The following ELAVL2 variants were observed in gnomAD, a reference collection of about 807,000 sequenced individuals.
ELAVL2 encodes ELAV like RNA binding protein 2.
ELAVL2 carries 4 observed loss-of-function variants against 34.6 expected under a neutral mutation model. The observed-to-expected ratio is 0.12, with a 90% CI of 0.06 to 0.26. ELAVL2 has a LOEUF of 0.26. ELAVL2 is among the 10% of genes least tolerant of loss of function. ELAVL2 has a pLI of 1.00. For missense variants in ELAVL2, 432 were observed against 442.8 expected, an observed-to-expected ratio of 0.98 and a Z score of 0.22; for synonymous variants, 193 against 154.8, an observed-to-expected ratio of 1.25 and a Z score of -1.83.
At chr9:23,742,354 G>C (rs1036629666) in intron 2 of ELAVL2, among the ~76,000 whole-genome samples, 1 of 152,170 alleles carries the variant, frequency 6.6e-6, no homozygotes, top group Non-Finnish European at 1.5e-5. Flanking sequence ...AAAAACTACT[G>C]CAAGTGTTAA....
chr9:23,813,831 A>C (rs1481365577), intron 1 of ELAVL2, among the ~76,000 whole-genome samples: 1 of 152,192 alleles, frequency 6.6e-6, no homozygotes, highest in African/African-American at 2.4e-5. Context: ...CTGTAAATAC[A>C]AGAGATCAAA....
At chr9:23,706,602 C>G (rs1195988454) in intron 3 of ELAVL2, among the ~76,000 whole-genome samples, 1 of 152,172 alleles carries the variant, frequency 6.6e-6, no homozygotes, top group Non-Finnish European at 1.5e-5. Flanking sequence ...CTTCAAGGGA[C>G]AGAAATTTCA....
chr9:23,716,327 T>C (rs1373406446), intron 3 of ELAVL2, among the ~76,000 whole-genome samples: 1 of 152,180 alleles, frequency 6.6e-6, no homozygotes, highest in East Asian at 1.9e-4. Flanking sequence ...TAAAAATATG[T>C]ATATATAAAA....
At chr9:23,697,632 G>A (rs968996405) in intron 5 of ELAVL2, among the ~76,000 whole-genome samples, 2 of 152,042 alleles carry the variant, frequency 1.3e-5, no homozygotes, top group African/African-American at 4.8e-5. Flanking sequence ...ATTATAACCT[G>A]TCAAAATTTT....
chr9:23,757,957 T>G (rs2053975148), intron 2 of ELAVL2, among the ~76,000 whole-genome samples: 1 of 152,100 alleles, frequency 6.6e-6, no homozygotes, highest in South Asian at 2.1e-4. Flanking sequence ...TCCTTAGATA[T>G]AGTTTCCTGA....
At chr9:23,736,518 G>A (rs368872198) in intron 2 of ELAVL2, among the ~76,000 whole-genome samples, 1 of 152,092 alleles carries the variant, frequency 6.6e-6, no homozygotes. Flanking sequence ...TAAATACAAT[G>A]GTCAGAGCAG....
the ELAVL2 span, among the ~76,000 whole-genome samples, chr9:23,834,328 T>A: frequency 6.6e-6 from 1 of 152,016 alleles, no homozygotes; most frequent in African/African-American, 2.4e-5. Flanking sequence ...GATATTATCC[T>A]TCTAGGAGCT....
intron 1 of ELAVL2, among the ~76,000 whole-genome samples, chr9:23,824,303 G>A (rs1272489506): frequency 6.6e-6 from 1 of 152,138 alleles, no homozygotes; most frequent in African/African-American, 2.4e-5. Context: ...ACGTAGCAAC[G>A]TGCTGGGCAT....
At chr9:23,803,569 C>G (rs1214510215) in intron 1 of ELAVL2, among the ~76,000 whole-genome samples, 2 of 152,200 alleles carry the variant, frequency 1.3e-5, no homozygotes, top group East Asian at 3.9e-4. Context: ...TTTCCTCACA[C>G]TAAGCCATCC....
chr9:23,713,016 C>T lies in ELAVL2; in HGVS notation c.334-7945G>A, dbSNP rs542893858. ...ACAGCCTCTGACAAACTACACTGCA[C>T]TGAGTGTGGTTTATTAAATGCTACC... On this transcript the variant is annotated intron_variant, in intron 3 of 6. Coordinates refer to ENST00000397312, the MANE Select transcript of ELAVL2 (RefSeq NM_004432.5). Among the ~76,000 whole-genome samples the T allele has an allele frequency of 2.0e-5, 3 of 152,294 alleles. No homozygotes were observed. In the South Asian group the frequency reaches 6.2e-4, roughly 32 times the overall value.
chr9:23,788,484 T>C (rs1406525992), intron 1 of ELAVL2, among the ~76,000 whole-genome samples: 1 of 152,170 alleles, frequency 6.6e-6, no homozygotes, highest in African/African-American at 2.4e-5. Context: ...TACACATACC[T>C]ATGATAAAAT....
At chr9:23,795,213 C>A (rs1012506313) in intron 1 of ELAVL2, among the ~76,000 whole-genome samples, 1 of 152,186 alleles carries the variant, frequency 6.6e-6, no homozygotes. Flanking sequence ...ATATAAGATT[C>A]CCTAAGAACC....
At chr9:23,820,867 C>A (rs1038680870) in intron 1 of ELAVL2, among the ~76,000 whole-genome samples, 1 of 152,250 alleles carries the variant, frequency 6.6e-6, no homozygotes, top group Non-Finnish European at 1.5e-5. Context: ...CCGCGCAGCG[C>A]ACGCCTCGCG....
At chr9:23,772,331 G>GA (rs889923543) in intron 1 of ELAVL2, among the ~76,000 whole-genome samples, 1 of 152,146 alleles carries the variant, frequency 6.6e-6, no homozygotes, top group African/African-American at 2.4e-5. Context: ...CTCCAAAGCA[G>GA]AAAGAATGAC....
At chr9:23,812,660 T>G (rs1431097505) in intron 1 of ELAVL2, among the ~76,000 whole-genome samples, 1 of 151,910 alleles carries the variant, frequency 6.6e-6, no homozygotes, top group Non-Finnish European at 1.5e-5. Flanking sequence ...AAGTTCCAAA[T>G]GTACCTACAA....
intron 2 of ELAVL2, among the ~76,000 whole-genome samples, chr9:23,756,563 C>A (rs544814828): frequency 1.3e-5 from 2 of 152,232 alleles, no homozygotes; most frequent in Admixed American, 6.5e-5. Flanking sequence ...CACTTAAACA[C>A]ACACACACAC....
At chr9:23,732,197 G>C (rs565299142) in intron 2 of ELAVL2, among the ~76,000 whole-genome samples, 2 of 152,146 alleles carry the variant, frequency 1.3e-5, no homozygotes, top group Non-Finnish European at 2.9e-5. Context: ...AGGGAAGTGA[G>C]GTATTTTTTC....
intron 1 of ELAVL2, among the ~76,000 whole-genome samples, chr9:23,794,353 G>C (rs62541668): frequency 0.011 from 1,663 of 152,264 alleles, 18 homozygotes; most frequent in Non-Finnish European, 0.017. Context: ...CCCCTAAAGA[G>C]GGGAAAAGAA....
chr9:23,700,422 T>C (rs952155551), intron 5 of ELAVL2, among the ~76,000 whole-genome samples: 2 of 152,202 alleles, frequency 1.3e-5, no homozygotes, highest in African/African-American at 2.4e-5. Context: ...CCTGGTTTGT[T>C]ATCCCAGGAT....
Sources: gnomAD v4.1 joint callset for allele counts (sites outside exome capture counted in the v4.1 genomes callset) on GRCh38, gnomAD v4.1.1 for gene constraint, MANE v1.5 for transcripts, NCBI Gene and HGNC (gene_info 2026-07-23, HGNC 2026-07-21) for gene names.